The following GALC variants were observed in gnomAD, a reference collection of about 807,000 sequenced individuals.
The protein encoded by GALC is galactosylceramidase.
A neutral mutation model predicts 91.8 loss-of-function variants in GALC; 77 were observed. That is an observed-to-expected ratio of 0.84 (90% CI 0.70 to 1.01). The LOEUF (loss-of-function observed/expected upper bound fraction) is 1.01. GALC is among the 50% of genes least tolerant of loss of function. The probability of loss-of-function intolerance (pLI) is 0.00; values close to 1 mark genes in which losing one functional copy is unlikely to be tolerated. For missense variants in GALC, 882 were observed against 855.9 expected (o/e 1.03, Z -0.38); for synonymous variants, 357 against 306.7 (o/e 1.16, Z -1.71).
chr14:87,992,342 G>T (rs1319689419), intron 1 of GALC: 2 of 1,535,584 alleles, frequency 1.3e-6, no homozygotes, highest in African/African-American at 2.7e-5. Flanking sequence ...GGCCCAGAGG[G>T]AGTACCCGGT....
chr14:87,972,319 C>T (rs536943556), intron 7 of GALC, among the ~76,000 whole-genome samples: 1 of 151,910 alleles, frequency 6.6e-6, no homozygotes, highest in South Asian at 2.1e-4. Flanking sequence ...GTTTTTAAAC[C>T]GGCAAAATTA....
chr14:87,977,755 T>C (rs1416442550), intron 6 of GALC, among the ~76,000 whole-genome samples: 2 of 152,242 alleles, frequency 1.3e-5, no homozygotes, highest in Non-Finnish European at 2.9e-5. Context: ...CAATTTCCAA[T>C]TAATGTGCTC....
intron 3 of GALC, chr14:87,987,863 G>C: frequency 4.8e-6 from 2 of 412,674 alleles, no homozygotes; most frequent in South Asian, 3.1e-5. Flanking sequence ...CCTATGCTCT[G>C]TCCTGTATAT....
intron 16 of GALC, 88 bp downstream of exon 16, chr14:87,939,817 C>G: frequency 3.1e-6 from 3 of 962,066 alleles, no homozygotes; most frequent in Non-Finnish European, 3.4e-6. Flanking sequence ...ATATGTCACA[C>G]TTTCCCCCTC....
intron 15 of GALC, among the ~76,000 whole-genome samples, chr14:87,940,983 A>T (rs1566968574): frequency 6.6e-6 from 1 of 151,950 alleles, no homozygotes; most frequent in East Asian, 1.9e-4. Flanking sequence ...AGATTTTTCC[A>T]TTTTAAGCCG....
intron 7 of GALC, among the ~76,000 whole-genome samples, chr14:87,970,776 G>A (rs1460504320): frequency 2.7e-5 from 4 of 150,390 alleles, no homozygotes; most frequent in Non-Finnish European, 4.4e-5. Flanking sequence ...GGCTGAGGCA[G>A]GAGAATGGCA....
intron 1 of GALC, among the ~76,000 whole-genome samples, chr14:87,992,024 G>A (rs1483486491): frequency 1.3e-5 from 2 of 152,206 alleles, no homozygotes; most frequent in Non-Finnish European, 2.9e-5. Context: ...AGCACGGCTG[G>A]AGAGATTGCA....
chr14:87,977,392 C>G (rs79082584), intron 6 of GALC, among the ~76,000 whole-genome samples: 17,202 of 152,166 alleles, frequency 0.11, 1,146 homozygotes, highest in Non-Finnish European at 0.16. Context: ...AAAGAAGTAT[C>G]AGAGGGAGCC....
intron 7 of GALC, 85 bp from the exon 8 acceptor site, chr14:87,968,575 T>G (rs879138423): frequency 7.6e-7 from 1 of 1,308,942 alleles, no homozygotes; most frequent in Non-Finnish European, 1.1e-6. Flanking sequence ...TATATAAAAA[T>G]ACGAGTCTTC....
intron 1 of GALC, 73 bp downstream of exon 1, chr14:87,992,897 G>T: frequency 6.9e-7 from 1 of 1,442,232 alleles, no homozygotes; most frequent in Non-Finnish European, 9.1e-7. Context: ...GCAACGCCGC[G>T]GGGGCTTGTG....
At chr14:87,982,889 A>G (rs1337863780) in intron 5 of GALC, among the ~76,000 whole-genome samples, 8 of 152,192 alleles carry the variant, frequency 5.3e-5, no homozygotes. Context: ...ATGATACAGG[A>G]AAGAGTTTAT....
intron 15 of GALC, among the ~76,000 whole-genome samples, 162 bp from the exon 16 acceptor site, chr14:87,940,143 A>G (rs1884774532): frequency 6.6e-6 from 1 of 151,952 alleles, no homozygotes; most frequent in African/African-American, 2.4e-5. Flanking sequence ...AGTTAAGCCA[A>G]AACATTTTTC....
intron 5 of GALC, among the ~76,000 whole-genome samples, chr14:87,983,218 T>C (rs1282654719): frequency 6.6e-6 from 1 of 151,964 alleles, no homozygotes; most frequent in African/African-American, 2.4e-5. Context: ...CGGGTGCCTG[T>C]AATCCCAGCT....
At chr14:87,969,402 T>C (rs17687383) in intron 7 of GALC, among the ~76,000 whole-genome samples, 17,209 of 152,172 alleles carry the variant, frequency 0.11, 1,147 homozygotes, top group Non-Finnish European at 0.16. Context: ...GGGAGTCAGT[T>C]GGTGGAAGTA....
chr14:87,959,048 C>CA (rs1408684353), intron 10 of GALC, among the ~76,000 whole-genome samples: 1 of 151,980 alleles, frequency 6.6e-6, no homozygotes, highest in Non-Finnish European at 1.5e-5. Flanking sequence ...AAACAGCCTA[C>CA]AAAATGGGAG....
chr14:87,949,809 G>A lies in GALC; in HGVS notation c.1338+36C>T, dbSNP rs190289173. 1.2e-3 allele frequency: 1,280 copies of A among 1,027,828 alleles called. 7 individuals are homozygous for A. The highest frequency in any genetic ancestry group is 1.5e-3 in the Non-Finnish European group (1,000 of 648,772). The allele number at this position is 1,027,828 out of a possible 1,614,324, so 63.7% of individuals were successfully genotyped here. The stretch of plus-strand genomic sequence containing the variant: ...GTGCCCTTTTACTGTTTTACTGTTG[G>A]AATACCCAAAATATAAGAATTTACT... On this transcript the variant is annotated intron_variant, in intron 12 of 16. Transcript: ENST00000261304.
At position 87,935,573 on chromosome 14, in the gene GALC, G is replaced by C. The variant is rs569074076; in HGVS notation, c.1912-695C>G. ...GAAAAAATTACACCTTCCTCCGAAT[G>C]TTGCCATTCTACTTAGCTCAGTGCC... On this transcript the variant is annotated intron_variant, in intron 16 of 16. Coordinates refer to ENST00000261304, the MANE Select transcript of GALC (RefSeq NM_000153.4). Among the ~76,000 whole-genome samples, 21 of 152,124 alleles carry C rather than the reference G, an allele frequency of 1.4e-4. No homozygotes were observed. The South Asian group carries it at 2.3e-3, about 17-fold the overall frequency.
Position 87,968,324 on chromosome 14 carries a change from T to C in GALC, c.908+11A>G. Reference sequence around the variant, plus strand: ...TTTGATAAGAACTCTAAAAGGTTTTTAATAACTTACGAAGTCATATAGCCA... The same window carrying C: ...TTTGATAAGAACTCTAAAAGGTTTTCAATAACTTACGAAGTCATATAGCCA... On this transcript the variant is annotated intron_variant, in intron 8 of 16. Transcript: ENST00000261304. 1 of 1,603,272 alleles carries C rather than the reference T, an allele frequency of 6.2e-7. No homozygotes were observed. Among genetic ancestry groups the C allele is most frequent in the South Asian group, 1.1e-5 (1 of 89,700 alleles).
intron 10 of GALC, chr14:87,954,530 T>A: frequency 6.4e-7 from 1 of 1,558,834 alleles, no homozygotes; most frequent in Non-Finnish European, 8.7e-7. Flanking sequence ...AATGCCTTGG[T>A]CATCCTGTGA....
Sources: gnomAD v4.1 joint callset for allele counts (sites outside exome capture counted in the v4.1 genomes callset) on GRCh38, gnomAD v4.1.1 for gene constraint, MANE v1.5 for transcripts, NCBI Gene and HGNC (gene_info 2026-07-23, HGNC 2026-07-21) for gene names.